The following PADI4 variants were observed in gnomAD, a reference collection of about 807,000 sequenced individuals.
PADI4 encodes the protein protein-arginine deiminase type-4.
Under a neutral mutation model 75.0 loss-of-function variants are expected in PADI4, and 62 were observed. The observed-to-expected ratio is 0.83, with a 90% CI of 0.67 to 1.02. PADI4 has a LOEUF of 1.02. PADI4 is among the 50% of genes least tolerant of loss of function. PADI4 has a pLI of 0.00. For missense variants in PADI4, 845 were observed against 850.5 expected (o/e 0.99, Z 0.08); for synonymous variants, 361 against 348.1 (o/e 1.04, Z -0.41).
intron 15 of PADI4, 52 bp from the exon 16 acceptor site, chr1:17,363,470 C>A: frequency 7.7e-7 from 1 of 1,292,528 alleles, no homozygotes; most frequent in Non-Finnish European, 1.1e-6. Flanking sequence ...GCTCAGATTG[C>A]GCTGCAGGCT....
chr1:17,313,409 G>T (rs1195040374), intron 1 of PADI4, among the ~76,000 whole-genome samples: 1 of 135,838 alleles, frequency 7.4e-6, no homozygotes, highest in South Asian at 2.4e-4. Context: ...GCTGAGGCAC[G>T]AGAATTGCTT....
At chr1:17,316,711 T>TAAAAA (rs66586960) in intron 1 of PADI4, among the ~76,000 whole-genome samples, 2 of 137,740 alleles carry the variant, frequency 1.5e-5, no homozygotes, top group African/African-American at 5.4e-5. Context: ...ATAAATAAAT[T>TAAAAA]AATTAATTAA....
intron 1 of PADI4, among the ~76,000 whole-genome samples, chr1:17,315,964 C>T (rs979515400): frequency 6.6e-6 from 1 of 151,956 alleles, no homozygotes; most frequent in Non-Finnish European, 1.5e-5. Flanking sequence ...CAGCTCTGCC[C>T]TGACCCCTCC....
chr1:17,313,575 A>C (rs1296011506), intron 1 of PADI4, among the ~76,000 whole-genome samples: 2 of 150,570 alleles, frequency 1.3e-5, no homozygotes, highest in Admixed American at 1.3e-4. Flanking sequence ...TGGGAGGCAG[A>C]TTTGCATGAC....
chr1:17,338,017 C>T, intron 4 of PADI4, 21 bp from the exon 5 acceptor site: 1 of 1,485,320 alleles, frequency 6.7e-7, no homozygotes, highest in Non-Finnish European at 9.4e-7. Context: ...CTGAGCATGA[C>T]TCTTCCCTGC....
In PADI4 at chr1:17,338,161, G is replaced by T; in HGVS notation, c.526+6G>T. ...TGAAGTGCTTGACAGCGAAGGTAAA[G>T]AGCATTTGCTAGCTAACGGGAAGGG... On this transcript the variant is annotated splice_donor_region_variant and intron_variant, in intron 5 of 15. Coordinates refer to ENST00000375448, the MANE Select transcript of PADI4 (RefSeq NM_012387.3). 1 of 1,579,600 alleles carries T rather than the reference G, an allele frequency of 6.3e-7. No individual in the cohort carries two copies. Among genetic ancestry groups the T allele is most frequent in the South Asian group, 1.1e-5 (1 of 90,384 alleles).
At chr1:17,349,073 C>A (rs1323377707) in intron 10 of PADI4, among the ~76,000 whole-genome samples, 1 of 152,220 alleles carries the variant, frequency 6.6e-6, no homozygotes, top group Non-Finnish European at 1.5e-5. Flanking sequence ...AAGCTGTGCG[C>A]TGAGCAGTGG....
intron 3 of PADI4, chr1:17,334,592 T>G (rs1421313489): frequency 2.2e-6 from 1 of 456,252 alleles, no homozygotes; most frequent in Non-Finnish European, 4.4e-6. Context: ...CATGAACCAC[T>G]GCGCCAGGCC....
chr1:17,336,944 A>G (rs1042820877), intron 4 of PADI4, among the ~76,000 whole-genome samples: 3 of 152,224 alleles, frequency 2.0e-5, no homozygotes, highest in African/African-American at 7.2e-5. Flanking sequence ...CGCCATCACT[A>G]TTAGATCCCT....
chr1:17,346,289 G>T lies in PADI4; in HGVS notation c.1047+150G>T. 1 of 600,400 alleles carries T rather than the reference G, an allele frequency of 1.7e-6. No homozygotes were observed. The highest frequency in any genetic ancestry group is 2.0e-5 in the South Asian group (1 of 49,178). The allele number at this position is 600,400 out of a possible 1,614,324, so 37.2% of individuals were successfully genotyped here. ...TAGGAACCTGAGAGATCCTTGGGCC[G>T]GGAGGCTCAAGCAAGTGATTCATCT... On this transcript the variant is annotated intron_variant, in intron 9 of 15. Coordinates refer to ENST00000375448, the MANE Select transcript of PADI4 (RefSeq NM_012387.3). This position sits in a 1 kb window ranked among gnomAD's most constrained non-coding sequence, Gnocchi z 4.3.
chr1:17,317,258 A>G (rs974486164), intron 1 of PADI4, among the ~76,000 whole-genome samples: 1 of 150,624 alleles, frequency 6.6e-6, no homozygotes, highest in African/African-American at 2.4e-5. Flanking sequence ...AGAAAATAGC[A>G]ATAACAATGC....
At chr1:17,325,327 A>G (rs182494755) in intron 1 of PADI4, among the ~76,000 whole-genome samples, 74 of 152,290 alleles carry the variant, frequency 4.9e-4, no homozygotes, top group Middle Eastern at 3.4e-3. Flanking sequence ...TATCCTAGGT[A>G]CTTTACAGTA....
rs772911473 is a variant in PADI4 at position 17,346,063 on chromosome 1, C to A, written c.971C>A (p.Thr324Asn). The A allele has an allele frequency of 7.3e-5, 117 of 1,613,576 alleles. 1 individual carries two copies. In the South Asian group the frequency reaches 1.2e-3, roughly 17 times the overall value. ...FENEDFLKSV[T>N]TLAMKAKCKL... ...AATGAGGACTTCCTGAAGTCAGTGA[C>A]TACTCTGGCCATGAAAGCCAAGTGC... The change falls in exon 9 of 16, where the codon ACT (threonine) becomes AAT (asparagine). Residue 324 changes from threonine (T) to asparagine (N), a missense_variant. Physicochemically the swap from Thr to Asn is moderately conservative, Grantham distance 65. Transcript: ENST00000375448. This position sits in a 1 kb window ranked among gnomAD's most constrained non-coding sequence, Gnocchi z 4.3.
intron 1 of PADI4, among the ~76,000 whole-genome samples, chr1:17,318,449 C>T (rs1054653300): frequency 6.6e-6 from 1 of 152,138 alleles, no homozygotes; most frequent in Non-Finnish European, 1.5e-5. Context: ...ATGTGAACAC[C>T]AACTCAGGCA....
At chr1:17,327,151 G>A (rs1054292965) in intron 1 of PADI4, among the ~76,000 whole-genome samples, 5 of 152,154 alleles carry the variant, frequency 3.3e-5, no homozygotes, top group Non-Finnish European at 5.9e-5. Context: ...GGGCTCAGGC[G>A]ATCTGCCCAC....
intron 1 of PADI4, among the ~76,000 whole-genome samples, chr1:17,311,379 C>A (rs891487303): frequency 6.6e-6 from 1 of 152,184 alleles, no homozygotes; most frequent in African/African-American, 2.4e-5. Flanking sequence ...GCACTGCTCC[C>A]TGTGGGCAGA....
chr1:17,313,394 G>A (rs1479439938), intron 1 of PADI4, among the ~76,000 whole-genome samples: 3 of 149,106 alleles, frequency 2.0e-5, no homozygotes, highest in African/African-American at 4.9e-5. Context: ...CCAGCTACTC[G>A]GGAGGCTGAG....
chr1:17,352,775 T>C (rs1162568494), intron 10 of PADI4, among the ~76,000 whole-genome samples: 3 of 152,092 alleles, frequency 2.0e-5, no homozygotes, highest in South Asian at 2.1e-4. Flanking sequence ...TGGGAGACAA[T>C]TGGTCAACAT....
rs528605847 is a variant in PADI4 at position 17,310,010 on chromosome 1, A to G, written c.92+1696A>G. Among the ~76,000 whole-genome samples, 5 of 152,204 alleles carry G rather than the reference A, an allele frequency of 3.3e-5. No homozygotes were observed. The South Asian group carries it at 1.0e-3, about 32-fold the overall frequency. ...GCTGGTCAGTGTTGGGCAGAGAGGA[A>G]GGCACTGCCCATTTCTCCCAGAAAG... On this transcript the variant is annotated intron_variant, in intron 1 of 15. Transcript: ENST00000375448.
Sources: gnomAD v4.1 joint callset for allele counts (sites outside exome capture counted in the v4.1 genomes callset) on GRCh38, gnomAD v4.1.1 for gene constraint, Gnocchi (gnomAD v3.1) non-coding constraint, MANE v1.5 for transcripts, NCBI Gene and HGNC (gene_info 2026-07-23, HGNC 2026-07-21) for gene names.